Variants in CCT6A observed in about 807,000 individuals in gnomAD.
CCT6A encodes the protein T-complex protein 1 subunit zeta.
CCT6A carries 6 observed loss-of-function variants against 58.6 expected under a neutral mutation model. That is an observed-to-expected ratio of 0.10 (90% CI 0.06 to 0.20). CCT6A has a LOEUF of 0.20. Among genes scored for constraint, CCT6A ranks in the 10% least tolerant of loss-of-function variants. The pLI is 1.00. For synonymous variants in CCT6A, 245 were observed against 227.8 expected (o/e 1.08, Z -0.68); for missense variants, 516 against 648.8 (o/e 0.80, Z 2.22).
In CCT6A at chr7:56,057,702, A is replaced by G. The variant is rs1441206185; in HGVS notation, c.615-291A>G. ...GAAACCATCCTGGCTAACACGGTGAAACCCCGTCTCTACTAAAAATACAAA... is the reference window on the plus strand; with the variant it reads ...GAAACCATCCTGGCTAACACGGTGAGACCCCGTCTCTACTAAAAATACAAA... On this transcript the variant is annotated intron_variant, in intron 5 of 13. Coordinates refer to ENST00000275603, the MANE Select transcript of CCT6A (RefSeq NM_001762.4). 2.6e-5 allele frequency among the ~76,000 whole-genome samples: 4 copies of G among 152,066 alleles called. No homozygotes were observed. The East Asian group carries it at 7.7e-4, about 29-fold the overall frequency.
rs1794526149 is a variant in CCT6A at position 56,063,537 on chromosome 7, T to C, written c.*452T>C. On this transcript the variant is annotated 3_prime_UTR_variant, in exon 14 of 14. Transcript: ENST00000275603. ...AAAATATTGAAAGCATCCCTGTTGGTATAAATTTCTGAGTAAATGCATTGG... is the reference window on the plus strand; with the variant it reads ...AAAATATTGAAAGCATCCCTGTTGGCATAAATTTCTGAGTAAATGCATTGG... 1.7e-5 allele frequency: 3 copies of C among 173,718 alleles called. No individual in the cohort carries two copies. In the South Asian group the frequency reaches 3.6e-4, roughly 21 times the overall value. 10.8% of individuals were successfully genotyped at this position (173,718 alleles called of 1,614,324 possible). A position where few individuals can be genotyped will look rare whatever the true frequency, so the allele number is the denominator to read the frequency against.
chr7:56,054,966 A>G (rs1185457178), intron 3 of CCT6A, among the ~76,000 whole-genome samples: 1 of 152,200 alleles, frequency 6.6e-6, no homozygotes, highest in Non-Finnish European at 1.5e-5. Flanking sequence ...AGTTAGTTTG[A>G]GATTACCTAT....
In CCT6A at chr7:56,058,435, A is replaced by G. The variant is rs1400150044; in HGVS notation, c.799A>G (p.Ile267Val). Residue 267 changes from isoleucine (I) to valine (V), a missense_variant, in exon 7 of 14, where the codon ATT becomes GTT. Transcript: ENST00000275603. ...ACTCGTGAAAGCTGAAAGAAAATTC[A>G]TTGAAGATAGGGTTAAAAAAATAAT... ...EKLVKAERKF[I>V]EDRVKKIIEL... is the part of the protein sequence containing the mutation. The G allele has an allele frequency of 2.5e-6, 4 of 1,604,972 alleles. No individual in the cohort carries two copies. The highest frequency in any genetic ancestry group is 2.5e-6 in the Non-Finnish European group (3 of 1,176,474).
rs762875896 is a variant in CCT6A, at chr7:56,051,905, G to C, written c.57G>C (p.Ala19=). 3 of 1,554,722 alleles carry C rather than the reference G, an allele frequency of 1.9e-6. No homozygotes were observed. Among genetic ancestry groups the C allele is most frequent in the Admixed American group, 3.9e-5 (2 of 51,684 alleles). ...CCGAGGTGGCCCGAGCGCAGGCGGC[G>C]CTGGCGGTCAACATCAGCGCAGCGC... ...PKAEVARAQA[A]LAVNISAARG... The change falls in exon 1 of 14, where the codon GCG becomes GCC. Residue 19 remains alanine (A), a synonymous_variant. Coordinates refer to ENST00000275603, the MANE Select transcript of CCT6A (RefSeq NM_001762.4).
At chr7:56,062,115 C>A (rs1794456676) in intron 12 of CCT6A, 3 of 293,542 alleles carry the variant, frequency 1.0e-5, no homozygotes, top group South Asian at 7.7e-5. Flanking sequence ...GAAGGATTTT[C>A]ATATTGCATT....
In CCT6A at chr7:56,058,291, G is replaced by A. The variant is rs1028356842; in HGVS notation, c.726-71G>A. On this transcript the variant is annotated intron_variant, in intron 6 of 13. Coordinates refer to ENST00000275603, the MANE Select transcript of CCT6A (RefSeq NM_001762.4). Reference sequence around the variant, plus strand: ...AGCTCAGTGAACTGTTAAATCTTAGGACTAATCCAGTTTCAGAAGCTGCTT... The same window carrying A: ...AGCTCAGTGAACTGTTAAATCTTAGAACTAATCCAGTTTCAGAAGCTGCTT... The A allele has an allele frequency of 2.7e-5, 31 of 1,166,514 alleles. No individual in the cohort carries two copies. In the African/African-American group the frequency reaches 4.3e-4, roughly 16 times the overall value. 72.3% of individuals were successfully genotyped at this position (1,166,514 alleles called of 1,614,324 possible).
rs186322825 is a variant in CCT6A, at chr7:56,063,197, T to C, written c.*112T>C. ...TAATTTTGAAAGAAATTTTCCCATA[T>C]GAAAAAAGGAGAGAACACTGGCATC... is the stretch of plus-strand genomic sequence containing the variant. On this transcript the variant is annotated 3_prime_UTR_variant, in exon 14 of 14. Transcript: ENST00000275603. The C allele has an allele frequency of 2.0e-5, 16 of 781,940 alleles. No individual in the cohort carries two copies. In the East Asian group the frequency reaches 3.7e-4, roughly 18 times the overall value. 48.4% of individuals were successfully genotyped at this position (781,940 alleles called of 1,614,324 possible).
chr7:56,058,564 A>T, intron 7 of CCT6A, 43 bp downstream of exon 7: 1 of 1,573,824 alleles, frequency 6.4e-7, no homozygotes, highest in Non-Finnish European at 8.7e-7. Flanking sequence ...AGTACGTATC[A>T]TCCTTTTTAC....
chr7:56,054,539 T>C (rs1794263818), intron 3 of CCT6A, 36 bp downstream of exon 3: 1 of 1,591,658 alleles, frequency 6.3e-7, no homozygotes, highest in East Asian at 2.2e-5. Context: ...TTTTTTTTTG[T>C]ATATAGGAAG....
intron 8 of CCT6A, 60 bp from the exon 9 acceptor site, chr7:56,059,484 C>T (rs1267924328): frequency 3.5e-6 from 3 of 857,432 alleles, no homozygotes; most frequent in Non-Finnish European, 4.0e-6. Flanking sequence ...AATTACTGGT[C>T]TTATCTTTGA....
intron 12 of CCT6A, 105 bp from the exon 13 acceptor site, chr7:56,062,578 A>G (rs1344306349): frequency 3.0e-5 from 28 of 940,044 alleles, no homozygotes; most frequent in Non-Finnish European, 4.7e-5. Context: ...TTGAATTCTC[A>G]TAGTTAATAC....
chr7:56,061,753 G>T lies in CCT6A; in HGVS notation c.1354G>T (p.Ala452Ser), dbSNP rs763952369. The T allele has an allele frequency of 3.0e-5, 44 of 1,461,624 alleles. No homozygotes were observed. Among genetic ancestry groups the T allele is most frequent in the Non-Finnish European group, 3.8e-5 (42 of 1,095,906 alleles). 90.5% of individuals were successfully genotyped at this position (1,461,624 alleles called of 1,614,324 possible). The change falls in exon 12 of 14, where the codon GCT becomes TCT. Residue 452 changes from alanine to serine, a missense_variant. Coordinates refer to ENST00000275603, the MANE Select transcript of CCT6A (RefSeq NM_001762.4). ...TTAAATTTGTTTACTTTAGGTTCTTGCTCAGAACTCTGGTTTTGACCTTCA... is the reference window on the plus strand; with the variant it reads ...TTAAATTTGTTTACTTTAGGTTCTTTCTCAGAACTCTGGTTTTGACCTTCA... ...DALLIIPKVL[A>S]QNSGFDLQET...
chr7:56,051,821 C>T lies in CCT6A; in HGVS notation c.-28C>T. 4 of 1,548,800 alleles carry T rather than the reference C, an allele frequency of 2.6e-6. No individual in the cohort carries two copies. The South Asian group carries it at 3.6e-5, about 14-fold the overall frequency. ...CGCGCCGGCTCTGGGCACTCAGCATCGTTTCCTTTTCCTCCGCTGGAGCAG... is the reference window on the plus strand; with the variant it reads ...CGCGCCGGCTCTGGGCACTCAGCATTGTTTCCTTTTCCTCCGCTGGAGCAG... On this transcript the variant is annotated 5_prime_UTR_variant, in exon 1 of 14. Coordinates refer to ENST00000275603, the MANE Select transcript of CCT6A (RefSeq NM_001762.4).
chr7:56,052,848 C>T lies in CCT6A; in HGVS notation c.201+363C>T, dbSNP rs183931849. Among the ~76,000 whole-genome samples, 309 of 150,116 alleles carry T rather than the reference C, an allele frequency of 2.1e-3. 2 individuals are homozygous for T. The highest frequency in any genetic ancestry group is 3.3e-3 in the Non-Finnish European group (222 of 67,832). On this transcript the variant is annotated intron_variant, in intron 2 of 13. Transcript: ENST00000275603. ...TCGCTCTGTCGACCAGCCTGGAGTC[C>T]GGTGGCACAATCTCAACTCACTGCA...
chr7:56,053,236 C>T (rs1794222765), intron 2 of CCT6A, among the ~76,000 whole-genome samples: 1 of 152,132 alleles, frequency 6.6e-6, no homozygotes, highest in Non-Finnish European at 1.5e-5. Flanking sequence ...TCCCTAAATT[C>T]CCAAAACTTA....
Position 56,060,276 on chromosome 7 carries a change from A to T in CCT6A, c.1073A>T (p.Glu358Val). 1.2e-6 allele frequency: 2 copies of T among 1,613,776 alleles called. No individual in the cohort carries two copies. Among genetic ancestry groups the T allele is most frequent in the Non-Finnish European group, 1.7e-6 (2 of 1,179,652 alleles). ...GLVYEYTLGE[E>V]KFTFIEKCNN... is the part of the protein sequence containing the mutation. Reference sequence around the variant, plus strand: ...TATTTTTTCTACACATAGGGAGAAGAGAAGTTTACCTTTATTGAGAAATGT... The same window carrying T: ...TATTTTTTCTACACATAGGGAGAAGTGAAGTTTACCTTTATTGAGAAATGT... Residue 358 changes from glutamate (E) to valine (V), a missense_variant, in exon 10 of 14, where the codon GAG (glutamate) becomes GTG (valine). Glu to Val is a moderately radical substitution (Grantham distance 121). Coordinates refer to ENST00000275603, the MANE Select transcript of CCT6A (RefSeq NM_001762.4).
rs1290188690 is a variant in CCT6A at position 56,056,345 on chromosome 7, A to C, written c.545A>C (p.Gln182Pro). 1.0e-5 allele frequency: 16 copies of C among 1,600,690 alleles called. No individual in the cohort carries two copies. Among genetic ancestry groups the C allele is most frequent in the African/African-American group, 1.3e-5 (1 of 74,646 alleles). The change falls in exon 5 of 14, where the codon CAA becomes CCA. Residue 182 changes from glutamine (Q) to proline (P), a missense_variant. Gln to Pro is a moderately conservative substitution (Grantham distance 76). Transcript: ENST00000275603. ...VVDSILAIKK[Q>P]DEPIDLFMIE... is the part of the protein sequence containing the mutation. ...GACTCCATTTTGGCCATTAAAAAGC[A>C]AGATGAACCTATTGATCTCTTCATG...
intron 3 of CCT6A, 33 bp from the exon 4 acceptor site, chr7:56,055,591 G>A: frequency 6.5e-7 from 1 of 1,544,862 alleles, no homozygotes; most frequent in Non-Finnish European, 8.9e-7. Context: ...GCACCTAATT[G>A]AAGATGCAAG....
chr7:56,060,162 A>G (rs1418797554), intron 9 of CCT6A, 107 bp from the exon 10 acceptor site: 3 of 921,856 alleles, frequency 3.3e-6, no homozygotes, highest in Non-Finnish European at 5.0e-6. Context: ...TAATGTGATC[A>G]AGTTTGTTCC....
Sources: allele counts gnomAD v4.1 joint callset (sites outside exome capture counted in the v4.1 genomes callset), GRCh38; gene constraint gnomAD v4.1.1; transcripts MANE v1.5; gene names NCBI Gene and HGNC (gene_info 2026-07-23, HGNC 2026-07-21).